Variants in CRMP1 observed in about 807,000 individuals in gnomAD.
The protein encoded by CRMP1 is collapsin response mediator protein 1, also known as dihydropyrimidinase-related protein 1.
CRMP1 carries 19 observed loss-of-function variants against 68.3 expected under a neutral mutation model. That is an observed-to-expected ratio of 0.28 (90% CI 0.19 to 0.41). The LOEUF is 0.41. Ranked by LOEUF, CRMP1 falls within the 10% of genes least tolerant of loss-of-function variation. The pLI, the probability that CRMP1 is intolerant of heterozygous loss-of-function variation, is 1.00. For synonymous variants in CRMP1, 439 were observed against 399.6 expected (o/e 1.10, Z -1.18); for missense variants, 791 against 967.4 (o/e 0.82, Z 2.42).
At chr4:5,885,411 A>G (rs1715512051) in intron 1 of CRMP1, among the ~76,000 whole-genome samples, 1 of 152,182 alleles carries the variant, frequency 6.6e-6, no homozygotes. Flanking sequence ...TCTTCCCATG[A>G]ACCACACTTG....
At chr4:5,837,668 T>TAAAA (rs199834696) in intron 9 of CRMP1, among the ~76,000 whole-genome samples, 1 of 108,694 alleles carries the variant, frequency 9.2e-6, no homozygotes, top group Non-Finnish European at 1.8e-5. Context: ...TAAAATAAAA[T>TAAAA]AAAATAAAAT....
chr4:5,848,654 G>T (rs1346243806), intron 6 of CRMP1, among the ~76,000 whole-genome samples: 1 of 152,194 alleles, frequency 6.6e-6, no homozygotes, highest in East Asian at 1.9e-4. Context: ...TGCTATTACA[G>T]AATACCATAG....
chr4:5,873,687 G>T (rs7674209), intron 1 of CRMP1, among the ~76,000 whole-genome samples: 2,023 of 152,288 alleles, frequency 0.013, 54 homozygotes, highest in African/African-American at 0.046. Context: ...CCAATACTGG[G>T]CACTACAATT....
At chr4:5,869,681 C>CAAAAAAAAAAAAA (rs33973891) in intron 1 of CRMP1, among the ~76,000 whole-genome samples, 3 of 92,914 alleles carry the variant, frequency 3.2e-5, no homozygotes, top group Non-Finnish European at 6.3e-5. Context: ...AAGACTCCGT[C>CAAAAAAAAAAAAA]AAAAAAAAAA....
chr4:5,865,932 AG>A lies in CRMP1; in HGVS notation c.470+735del, dbSNP rs1235631607. 2.0e-5 allele frequency among the ~76,000 whole-genome samples: 3 copies of A among 152,294 alleles called. No individual in the cohort carries two copies. The East Asian group carries it at 5.8e-4, about 29-fold the overall frequency. On this transcript the variant is annotated intron_variant, in intron 2 of 13. Transcript: ENST00000324989. This position sits in a 1 kb window ranked among gnomAD's most constrained non-coding sequence, Gnocchi z 4.1. ...GCCAGAAGGTGGTGTCTGCAAGCCA[AG>A]GAAGAACCTCAGGAAGAAGTTCAGG...
At position 5,842,450 on chromosome 4, in the gene CRMP1, AAAG is replaced by A. The variant is rs1442107864; in HGVS notation, c.1032+640_1032+642del. Among the ~76,000 whole-genome samples, 1 of 151,350 alleles carries A rather than the reference AAAG, an allele frequency of 6.6e-6. No individual in the cohort carries two copies. The highest frequency in any genetic ancestry group is 1.5e-5 in the Non-Finnish European group (1 of 67,858). On this transcript the variant is annotated intron_variant, in intron 7 of 13. Coordinates refer to ENST00000324989, the MANE Select transcript of CRMP1 (RefSeq NM_001014809.3). This position sits in a 1 kb window ranked among gnomAD's most constrained non-coding sequence, Gnocchi z 4.5. Reference sequence around the variant, plus strand: ...TCTCAAAAAAAAAAAAAAAAAAAGAAAAGAAAGAAAGAAAGTAAAAAGAAGGTG... The same window carrying A: ...TCTCAAAAAAAAAAAAAAAAAAAGAAAAAGAAAGAAAGTAAAAAGAAGGTG...
In CRMP1 at chr4:5,841,345, C is replaced by G; in HGVS notation, c.1116G>C (p.Lys372Asn). 1 of 1,614,140 alleles carries G rather than the reference C, an allele frequency of 6.2e-7. No homozygotes were observed. The highest frequency in any genetic ancestry group is 1.3e-5 in the African/African-American group (1 of 75,050). The part of the protein sequence containing the change: ...CPVYITKVMS[K>N]SAADIIALAR... ...CCAGAGCGATGATGTCGGCTGCACT[C>G]TTGCTCATGACCTTGGTGATGTACA... Residue 372 changes from lysine (K) to asparagine (N), a missense_variant, in exon 8 of 14, where the codon AAG (lysine) becomes AAC (asparagine). Transcript: ENST00000324989. This position sits in a 1 kb window ranked among gnomAD's most constrained non-coding sequence, Gnocchi z 6.9.
At chr4:5,831,884 T>TC (rs1258644177) in intron 11 of CRMP1, among the ~76,000 whole-genome samples, 1 of 152,206 alleles carries the variant, frequency 6.6e-6, no homozygotes, top group African/African-American at 2.4e-5. Context: ...ATTTCCCTGG[T>TC]CCCCTCCAGG....
At chr4:5,880,737 G>A (rs1217286765) in intron 1 of CRMP1, among the ~76,000 whole-genome samples, 1 of 152,176 alleles carries the variant, frequency 6.6e-6, no homozygotes, top group Non-Finnish European at 1.5e-5. Flanking sequence ...AACTCCTCAT[G>A]CCACCTTCAT....
chr4:5,849,709 T>C (rs1461283367), intron 5 of CRMP1, among the ~76,000 whole-genome samples: 1 of 152,174 alleles, frequency 6.6e-6, no homozygotes, highest in Non-Finnish European at 1.5e-5. Context: ...GCACAACTGG[T>C]CCAAGTCACC....
intron 2 of CRMP1, among the ~76,000 whole-genome samples, chr4:5,864,575 G>A (rs1177940824): frequency 6.6e-6 from 1 of 152,074 alleles, no homozygotes; most frequent in East Asian, 1.9e-4. Context: ...CCCCAGGGCG[G>A]GGGGCCACGA....
Position 5,855,351 on chromosome 4 carries a change from C to A in CRMP1, c.820+792G>T, listed in dbSNP as rs1712971969. ...CACCCTCGCTCTCCTTGAAGCACCA[C>A]CATTTGAGGCTGCCTCCTCAGAGGG... is the stretch of plus-strand genomic sequence containing the variant. On this transcript the variant is annotated intron_variant, in intron 4 of 13. Coordinates refer to ENST00000324989, the MANE Select transcript of CRMP1 (RefSeq NM_001014809.3). This position sits in a 1 kb window ranked among gnomAD's most constrained non-coding sequence, Gnocchi z 4.9. Among the ~76,000 whole-genome samples, 1 of 152,318 alleles carries A rather than the reference C, an allele frequency of 6.6e-6. No individual in the cohort carries two copies. Among genetic ancestry groups the A allele is most frequent in the East Asian group, 1.9e-4 (1 of 5,186 alleles).
rs1028916663 is a variant in CRMP1, at chr4:5,834,984, T to C, written c.1623+931A>G. Among the ~76,000 whole-genome samples the C allele has an allele frequency of 6.6e-6, 1 of 152,180 alleles. No individual in the cohort carries two copies. Among genetic ancestry groups the C allele is most frequent in the African/African-American group, 2.4e-5 (1 of 41,448 alleles). ...CCATGGCCGTGAGCTGCTACAAGTG[T>C]TTCCTGTGGCTTTCTTATGAAACTT... On this transcript the variant is annotated intron_variant, in intron 11 of 13. Transcript: ENST00000324989. This position sits in a 1 kb window ranked among gnomAD's most constrained non-coding sequence, Gnocchi z 4.3.
intron 11 of CRMP1, among the ~76,000 whole-genome samples, chr4:5,829,344 G>A (rs1039438845): frequency 2.0e-5 from 3 of 152,118 alleles, no homozygotes; most frequent in Admixed American, 6.5e-5. Flanking sequence ...AGCCGAGATC[G>A]TGCCACTGCA....
rs976529925 is a variant in CRMP1 at position 5,853,927 on chromosome 4, G to A, written c.820+2216C>T. 6.6e-6 allele frequency among the ~76,000 whole-genome samples: 1 copy of A among 152,248 alleles called. No individual in the cohort carries two copies. The highest frequency in any genetic ancestry group is 6.5e-5 in the Admixed American group (1 of 15,288). On this transcript the variant is annotated intron_variant, in intron 4 of 13. Transcript: ENST00000324989. The surrounding 1 kb of genome is among the most constrained non-coding windows in gnomAD (Gnocchi z 4.7). ...AGTTGAAAGGTTGCTGCCAGGACCTGAGCACCATCGCCATTCGCCTGCTGG... is the reference window on the plus strand; with the variant it reads ...AGTTGAAAGGTTGCTGCCAGGACCTAAGCACCATCGCCATTCGCCTGCTGG...
intron 2 of CRMP1, among the ~76,000 whole-genome samples, chr4:5,863,196 G>A (rs1247721007): frequency 6.7e-6 from 1 of 149,196 alleles, no homozygotes; most frequent in Admixed American, 6.8e-5. Context: ...ATGTTCAACA[G>A]TGAATGCCAT....
rs79819806 is a variant in CRMP1 at position 5,872,806 on chromosome 4, C to A, written c.382-6050G>T. Among the ~76,000 whole-genome samples the A allele has an allele frequency of 8.6e-3, 1,313 of 152,322 alleles. 19 individuals carry two copies. Among genetic ancestry groups the A allele is most frequent in the African/African-American group, 0.03 (1,227 of 41,566 alleles). On this transcript the variant is annotated intron_variant, in intron 1 of 13. Coordinates refer to ENST00000324989, the MANE Select transcript of CRMP1 (RefSeq NM_001014809.3). This position sits in a 1 kb window ranked among gnomAD's most constrained non-coding sequence, Gnocchi z 4.6. ...GTCAGAGATACAGTTCGTTCCACAG[C>A]GACAGCAATGACCTTTAGAGCAAAT...
At chr4:5,833,505 A>G (rs1720521216) in intron 11 of CRMP1, among the ~76,000 whole-genome samples, 1 of 151,936 alleles carries the variant, frequency 6.6e-6, no homozygotes, top group Non-Finnish European at 1.5e-5. Flanking sequence ...TGTTTAAACC[A>G]CCCAACCTGT....
Position 5,848,874 on chromosome 4 carries a change from T to C in CRMP1, c.963+518A>G, listed in dbSNP as rs575948626. 1.1e-4 allele frequency among the ~76,000 whole-genome samples: 17 copies of C among 152,316 alleles called. 1 individual carries two copies. In the South Asian group the frequency reaches 3.5e-3, roughly 32 times the overall value. ...TCCCGTCATAAGGCCCCCACCCTGA[T>C]GATCTCATCTAATCCAAATTACCTC... is the stretch of plus-strand genomic sequence containing the variant. On this transcript the variant is annotated intron_variant, in intron 6 of 13. Transcript: ENST00000324989.
Sources: gnomAD v4.1 joint callset for allele counts (sites outside exome capture counted in the v4.1 genomes callset) on GRCh38, gnomAD v4.1.1 for gene constraint, Gnocchi (gnomAD v3.1) non-coding constraint, MANE v1.5 for transcripts, NCBI Gene and HGNC (gene_info 2026-07-23, HGNC 2026-07-21) for gene names.